Variants in PLXNA4 observed in about 807,000 individuals in gnomAD.
PLXNA4 encodes plexin A4.
PLXNA4 carries 44 observed loss-of-function variants against 191.8 expected under a neutral mutation model. That is an observed-to-expected ratio of 0.23 (90% confidence interval 0.18 to 0.29). The LOEUF is 0.29. PLXNA4 is among the 10% of genes least tolerant of loss of function. The pLI, the probability that PLXNA4 is intolerant of heterozygous loss-of-function variation, is 1.00. For synonymous variants in PLXNA4, 1,082 were observed against 1,009.5 expected, an observed-to-expected ratio of 1.07 and a Z score of -1.36; for missense variants, 1,800 against 2,488.8, an observed-to-expected ratio of 0.72 and a Z score of 5.89.
intron 3 of PLXNA4, among the ~76,000 whole-genome samples, chr7:132,330,854 G>A (rs1802563426): frequency 1.3e-5 from 2 of 152,154 alleles, no homozygotes; most frequent in African/African-American, 2.4e-5. Context: ...GTCATAAGGG[G>A]TTACAGGTGC....
At chr7:132,527,539 C>CAAAAAAAAAAAAAAAAAA (rs34598256) in intron 1 of PLXNA4, among the ~76,000 whole-genome samples, 1 of 59,716 alleles carries the variant, frequency 1.7e-5, no homozygotes, top group Non-Finnish European at 3.1e-5. Flanking sequence ...GAAACAGACT[C>CAAAAAAAAAAAAAAAAAA]AAAAAAAAAA....
At chr7:132,254,844 A>G (rs764657937) in intron 4 of PLXNA4, among the ~76,000 whole-genome samples, 1 of 152,228 alleles carries the variant, frequency 6.6e-6, no homozygotes, top group African/African-American at 2.4e-5. Flanking sequence ...ACTAAGGCTC[A>G]GAATAGATTC....
intron 2 of PLXNA4, among the ~76,000 whole-genome samples, chr7:132,504,055 G>T (rs1301071329): frequency 1.3e-5 from 2 of 152,202 alleles, no homozygotes; most frequent in African/African-American, 2.4e-5. Flanking sequence ...TGACAGGTTC[G>T]TTTATGTCCA....
chr7:132,559,756 A>C (rs556156542), intron 1 of PLXNA4, among the ~76,000 whole-genome samples: 1 of 152,312 alleles, frequency 6.6e-6, no homozygotes, highest in Admixed American at 6.5e-5. Flanking sequence ...CTAAATTATA[A>C]AGCTCTCCTG....
intron 2 of PLXNA4, among the ~76,000 whole-genome samples, chr7:132,620,712 T>C (rs1563196828): frequency 6.6e-6 from 1 of 152,264 alleles, no homozygotes; most frequent in Admixed American, 6.5e-5. Flanking sequence ...TTTGCTCTGC[T>C]ACTTGCTGTT....
intron 1 of PLXNA4, among the ~76,000 whole-genome samples, chr7:132,532,662 C>T (rs1487500587): frequency 1.3e-5 from 2 of 152,182 alleles, no homozygotes; most frequent in Admixed American, 1.3e-4. Flanking sequence ...CTCTGCTACT[C>T]GAGAATCTTC....
At chr7:132,237,259 C>A (rs998721576) in intron 5 of PLXNA4, among the ~76,000 whole-genome samples, 5 of 152,204 alleles carry the variant, frequency 3.3e-5, no homozygotes, top group Admixed American at 6.5e-5. Flanking sequence ...GAAATCCATA[C>A]CTGAGGGATT....
intron 3 of PLXNA4, among the ~76,000 whole-genome samples, 157 bp downstream of exon 3, chr7:132,489,135 G>A (rs1287427919): frequency 1.3e-5 from 2 of 152,206 alleles, no homozygotes; most frequent in Non-Finnish European, 2.9e-5. Flanking sequence ...GAAAGGACAA[G>A]ATGATCATCA....
At chr7:132,530,484 T>C (rs999461296) in intron 1 of PLXNA4, among the ~76,000 whole-genome samples, 11 of 152,164 alleles carry the variant, frequency 7.2e-5, no homozygotes, top group Admixed American at 3.3e-4. Context: ...ATATAAATGG[T>C]CAATCTGCAT....
intron 3 of PLXNA4, among the ~76,000 whole-genome samples, chr7:132,476,883 T>G (rs555685015): frequency 6.6e-6 from 1 of 152,308 alleles, no homozygotes; most frequent in South Asian, 2.1e-4. Flanking sequence ...TTTGGGGAGA[T>G]ACAAACATTC....
chr7:132,249,639 G>A (rs1052828822), intron 4 of PLXNA4, among the ~76,000 whole-genome samples: 1 of 152,210 alleles, frequency 6.6e-6, no homozygotes. Context: ...TAGCCCAGAG[G>A]GGCTGAGCAG....
chr7:132,578,552 T>C (rs1314582555), upstream of PLXNA4, among the ~76,000 whole-genome samples: 1 of 152,158 alleles, frequency 6.6e-6, no homozygotes, highest in Non-Finnish European at 1.5e-5. Flanking sequence ...CGAAGTTGTG[T>C]GAATTGGGGA....
Position 132,596,791 on chromosome 7 carries a change from T to A in PLXNA4, c.-87+49137A>T, listed in dbSNP as rs769207023. Among the ~76,000 whole-genome samples, 35 of 150,060 alleles carry A rather than the reference T, an allele frequency of 2.3e-4. 1 individual carries two copies. The highest frequency in any genetic ancestry group is 3.8e-4 in the Non-Finnish European group (26 of 67,844). ...AACTTTCATTACTTTTTGATGATCA[T>A]GCAATAATTTCCCATGATAAATCAT... On this transcript the variant is annotated intron_variant, in intron 2 of 4. Transcript: ENST00000378539.
chr7:132,210,949 G>A lies in PLXNA4; in HGVS notation c.2292C>T (p.Asn764=), dbSNP rs777207264. The A allele has an allele frequency of 5.6e-6, 9 of 1,611,860 alleles. No homozygotes were observed. The Admixed American group carries it at 1.3e-4, about 24-fold the overall frequency. Residue 764 remains asparagine (N), a synonymous_variant, in exon 10 of 32, where the codon AAC becomes AAT. Transcript: ENST00000321063. Reference sequence around the variant, plus strand: ...GCAGGGTTGGGCGACTCACAGAGGTGTTCTGGCACTGTACGCTGGAGCTGT... The same window carrying A: ...GCAGGGTTGGGCGACTCACAGAGGTATTCTGGCACTGTACGCTGGAGCTGT... ...RFNSSSVQCQ[N]TSYSYEGMEI...
At chr7:132,604,605 A>G (rs891397018) in intron 2 of PLXNA4, among the ~76,000 whole-genome samples, 1 of 152,176 alleles carries the variant, frequency 6.6e-6, no homozygotes, top group African/African-American at 2.4e-5. Flanking sequence ...ATTGGCCAAG[A>G]GATGCCACAG....
At chr7:132,253,871 C>T (rs1374768116) in intron 4 of PLXNA4, among the ~76,000 whole-genome samples, 2 of 152,196 alleles carry the variant, frequency 1.3e-5, no homozygotes, top group African/African-American at 2.4e-5. Context: ...CTGCCTACAG[C>T]CCCCATATGT....
rs577643873 is a variant in PLXNA4 at position 132,281,637 on chromosome 7, T to C, written c.1503+16454A>G. ...ATGATCTCCTCATGCCATAAATCCTTCTGAAAGTACTTACTTTCTTACCCA... is the reference window on the plus strand; with the variant it reads ...ATGATCTCCTCATGCCATAAATCCTCCTGAAAGTACTTACTTTCTTACCCA... On this transcript the variant is annotated intron_variant, in intron 4 of 31. Coordinates refer to ENST00000321063, the MANE Select transcript of PLXNA4 (RefSeq NM_020911.2). Among the ~76,000 whole-genome samples, 66 of 152,250 alleles carry C rather than the reference T, an allele frequency of 4.3e-4. 1 individual carries two copies. The South Asian group carries it at 0.013, about 29-fold the overall frequency.
At chr7:132,259,436 C>CAAAAAA (rs55902635) in intron 4 of PLXNA4, among the ~76,000 whole-genome samples, 17 of 33,866 alleles carry the variant, frequency 5.0e-4, no homozygotes, top group Non-Finnish European at 6.7e-4. Context: ...AACTCCAACT[C>CAAAAAA]AAAAAAAAAA....
At position 132,212,880 on chromosome 7, in the gene PLXNA4, G is replaced by A. The variant is rs549919926; in HGVS notation, c.2098-1737C>T. Among the ~76,000 whole-genome samples the A allele has an allele frequency of 8.5e-5, 13 of 152,244 alleles. No individual in the cohort carries two copies. The East Asian group carries it at 2.1e-3, about 25-fold the overall frequency. ...CTGAAGGGCAGCTGAAAGAGGAGCC[G>A]CAGATCCAGAAATTCCACTCCTGGG... On this transcript the variant is annotated intron_variant, in intron 9 of 31. Transcript: ENST00000321063.
Sources: gnomAD v4.1 joint callset for allele counts (sites outside exome capture counted in the v4.1 genomes callset) on GRCh38, gnomAD v4.1.1 for gene constraint, MANE v1.5 for transcripts, NCBI Gene and HGNC (gene_info 2026-07-23, HGNC 2026-07-21) for gene names.